Variants in MARCHF7 observed in about 807,000 individuals in gnomAD.
The protein encoded by MARCHF7 is E3 ubiquitin-protein ligase MARCHF7.
MARCHF7 carries 20 observed loss-of-function variants against 76.5 expected under a neutral mutation model. The ratio of observed to expected loss-of-function variants is 0.26; its 90% CI spans 0.18 to 0.38. The LOEUF is 0.38. Among genes scored for constraint, MARCHF7 ranks in the 10% least tolerant of loss-of-function variants. The pLI is 1.00. For missense variants in MARCHF7, 797 were observed against 812.9 expected (o/e 0.98, Z 0.24); for synonymous variants, 295 against 293.0 (o/e 1.01, Z -0.07).
At chr2:159,757,550 A>T (rs1706484136) in intron 8 of MARCHF7, among the ~76,000 whole-genome samples, 3 of 152,208 alleles carry the variant, frequency 2.0e-5, no homozygotes, top group Admixed American at 2.0e-4. Flanking sequence ...GGACAAGGTG[A>T]GAGGATCCTT....
chr2:159,740,548 G>A (rs532208272), intron 4 of MARCHF7, among the ~76,000 whole-genome samples: 1 of 152,272 alleles, frequency 6.6e-6, no homozygotes, highest in African/African-American at 2.4e-5. Flanking sequence ...CCACTGGCCT[G>A]CAGGATAAGG....
chr2:159,716,175 G>A (rs1172898374), intron 3 of MARCHF7, among the ~76,000 whole-genome samples: 1 of 151,442 alleles, frequency 6.6e-6, no homozygotes, highest in Non-Finnish European at 1.5e-5. Flanking sequence ...TACTTTCAAA[G>A]TGATTCCCTC....
intron 4 of MARCHF7, among the ~76,000 whole-genome samples, chr2:159,737,297 A>G (rs1371088045): frequency 6.6e-6 from 1 of 152,256 alleles, no homozygotes; most frequent in Non-Finnish European, 1.5e-5. Flanking sequence ...ACTTGTATCC[A>G]GAATATATGA....
At chr2:159,724,356 G>T (rs7578537) in intron 3 of MARCHF7, among the ~76,000 whole-genome samples, 17,623 of 152,090 alleles carry the variant, frequency 0.12, 2,373 homozygotes, top group African/African-American at 0.33. Context: ...CTTAGTGTTG[G>T]TCTTTTTTCT....
intron 4 of MARCHF7, among the ~76,000 whole-genome samples, chr2:159,736,317 A>C (rs574682210): frequency 6.6e-6 from 1 of 152,186 alleles, no homozygotes; most frequent in Admixed American, 6.5e-5. Flanking sequence ...AATGGGTATG[A>C]AGTGGTATGT....
At chr2:159,723,481 C>T (rs1372748167) in intron 3 of MARCHF7, among the ~76,000 whole-genome samples, 1 of 152,178 alleles carries the variant, frequency 6.6e-6, no homozygotes, top group Non-Finnish European at 1.5e-5. Flanking sequence ...AAAGAGCAGT[C>T]CTTTTCCTTA....
chr2:159,727,421 A>C (rs2125382652), intron 3 of MARCHF7, among the ~76,000 whole-genome samples: 1 of 152,264 alleles, frequency 6.6e-6, no homozygotes, highest in Admixed American at 6.5e-5. Flanking sequence ...CCCCGTCTCT[A>C]CTAAAAATAC....
At position 159,748,442 on chromosome 2, in the gene MARCHF7, A is replaced by G. The variant is rs749328642; in HGVS notation, c.1152A>G (p.Pro384=). 9.3e-6 allele frequency: 15 copies of G among 1,614,062 alleles called. No homozygotes were observed. Among genetic ancestry groups the G allele is most frequent in the African/African-American group, 4.0e-5 (3 of 74,934 alleles). The stretch of plus-strand genomic sequence containing the variant: ...AATCTGAAGGTAGAAATACAGGACC[A>G]TGGTTATCTTCCTCACTTAGAAATA... ...NQESEGRNTG[P]WLSSSLRNRC... is the part of the protein sequence containing the mutation. Residue 384 remains proline (P), a synonymous_variant, in exon 7 of 12, where the codon CCA becomes CCG. Coordinates refer to ENST00000409175, the MANE Select transcript of MARCHF7 (RefSeq NM_001282805.2).
intron 8 of MARCHF7, among the ~76,000 whole-genome samples, chr2:159,752,794 A>G (rs1560021309): frequency 6.6e-6 from 1 of 152,220 alleles, no homozygotes; most frequent in African/African-American, 2.4e-5. Context: ...TACTTCATAC[A>G]TGTATAATAC....
At position 159,768,422 on chromosome 2, in the gene MARCHF7, C is replaced by T. The variant is rs1036025059; in HGVS notation, c.*1080C>T. 26 of 152,592 alleles carry T rather than the reference C, an allele frequency of 1.7e-4. No homozygotes were observed. The highest frequency in any genetic ancestry group is 6.3e-4 in the African/African-American group (26 of 41,452). The allele number at this position is 152,592 out of a possible 1,614,324, so 9.5% of individuals were successfully genotyped here. ...AGTACCCTTAGGATACACTTTAAAA[C>T]ACCTTAAGGTCTGATGTTATGGCAA... is the stretch of plus-strand genomic sequence containing the variant. On this transcript the variant is annotated 3_prime_UTR_variant, in exon 12 of 12. Transcript: ENST00000409175.
intron 4 of MARCHF7, among the ~76,000 whole-genome samples, chr2:159,741,096 C>A (rs1352398521): frequency 6.6e-6 from 1 of 152,050 alleles, no homozygotes; most frequent in Admixed American, 6.5e-5. Flanking sequence ...AAAGCCAGGC[C>A]AGATGTGGTG....
At chr2:159,736,687 A>G (rs13428679) in intron 4 of MARCHF7, among the ~76,000 whole-genome samples, 52,487 of 152,118 alleles carry the variant, frequency 0.35, 9,259 homozygotes, top group South Asian at 0.44. Context: ...TTCATTGACT[A>G]TACTTCCAGT....
At chr2:159,733,964 ATT>A in intron 4 of MARCHF7, 1 of 1,286,662 alleles carries the variant, frequency 7.8e-7, no homozygotes, top group Non-Finnish European at 9.9e-7. Context: ...GTTCTCAGCC[ATT>A]TGTAAGCTGC....
intron 8 of MARCHF7, among the ~76,000 whole-genome samples, chr2:159,752,906 GATTT>G (rs762767184): frequency 2.0e-5 from 3 of 152,204 alleles, no homozygotes; most frequent in Non-Finnish European, 4.4e-5. Context: ...CCTTGAGAAA[GATTT>G]ATTTCTAATG....
rs185378052 is a variant in MARCHF7 at position 159,748,716 on chromosome 2, T to C, written c.1426T>C (p.Ser476Pro). 3 of 1,614,132 alleles carry C rather than the reference T, an allele frequency of 1.9e-6. No homozygotes were observed. Among genetic ancestry groups the C allele is most frequent in the East Asian group, 4.5e-5 (2 of 44,878 alleles). Residue 476 changes from serine (S) to proline (P), a missense_variant, in exon 7 of 12, where the codon TCA (serine) becomes CCA (proline). By Grantham distance (74) the Ser-to-Pro change is moderately conservative. Coordinates refer to ENST00000409175, the MANE Select transcript of MARCHF7 (RefSeq NM_001282805.2). ...TCAAGGTGGAAGAAATACAGGAATA[T>C]CAGGGATTCTTCCTGGTTCCTTATT... The part of the protein sequence containing the change: ...SAQGGRNTGI[S>P]GILPGSLFRF...
intron 8 of MARCHF7, among the ~76,000 whole-genome samples, chr2:159,756,762 TG>T (rs1056685365): frequency 6.0e-5 from 9 of 150,712 alleles, no homozygotes; most frequent in African/African-American, 2.2e-4. Flanking sequence ...GGACTAGGGT[TG>T]GGCCTCAGTT....
At chr2:159,751,046 T>G (rs570176269) in intron 7 of MARCHF7, among the ~76,000 whole-genome samples, 1 of 152,350 alleles carries the variant, frequency 6.6e-6, no homozygotes, top group East Asian at 1.9e-4. Flanking sequence ...TTTCCTTTTT[T>G]GTAGAAAGAG....
intron 9 of MARCHF7, among the ~76,000 whole-genome samples, chr2:159,759,806 C>T (rs907756282): frequency 1.3e-5 from 2 of 152,074 alleles, no homozygotes; most frequent in African/African-American, 4.8e-5. Context: ...GCTTGAAAAA[C>T]ACTTTTTGGC....
intron 3 of MARCHF7, among the ~76,000 whole-genome samples, chr2:159,720,365 A>G (rs1240472669): frequency 1.3e-5 from 2 of 152,120 alleles, no homozygotes; most frequent in African/African-American, 4.8e-5. Flanking sequence ...ATCTTACATA[A>G]TGTCTTCCAT....
Sources: allele counts gnomAD v4.1 joint callset (sites outside exome capture counted in the v4.1 genomes callset), GRCh38; gene constraint gnomAD v4.1.1; transcripts MANE v1.5; gene names NCBI Gene and HGNC (gene_info 2026-07-23, HGNC 2026-07-21).